Variants in MGAM observed in about 807,000 individuals in gnomAD.
MGAM encodes maltase-glucoamylase.
MGAM carries 253 observed loss-of-function variants against 358.8 expected under a neutral mutation model. The observed-to-expected ratio is 0.71, with a 90% CI of 0.64 to 0.78. The LOEUF (loss-of-function observed/expected upper bound fraction) is 0.78, where lower values mean the gene tolerates loss of function less well. Ranked by LOEUF, MGAM falls within the 30% of genes least tolerant of loss-of-function variation. MGAM has a pLI of 0.00. For synonymous variants in MGAM, 1,105 were observed against 1,227.1 expected (o/e 0.90, Z 2.08); for missense variants, 3,080 against 3,432.6 (o/e 0.90, Z 2.57).
At position 142,055,662 on chromosome 7, in the gene MGAM, G is replaced by C. The variant is rs185758556; in HGVS notation, c.3419G>C (p.Arg1140Thr). The C allele has an allele frequency of 2.0e-4, 317 of 1,613,954 alleles. 1 individual carries two copies. Among genetic ancestry groups the C allele is most frequent in the Admixed American group, 6.0e-4 (36 of 60,016 alleles). Reference protein sequence around the residue: ...YLYGFGETEHRSYRRDLEWHT... With the variant: ...YLYGFGETEHTSYRRDLEWHT... ...TATGGCTTTGGGGAAACTGAGCACA[G>C]GTCCTATAGGAGAGACTTGGAGTGG... The change falls in exon 28 of 71, where the codon AGG becomes ACG. Residue 1140 changes from arginine to threonine, a missense_variant. Arg to Thr is a moderately conservative substitution (Grantham distance 71). Transcript: ENST00000475668.
chr7:142,022,156 T>G, intron 6 of MGAM, 112 bp from the exon 7 acceptor site: 1 of 1,012,788 alleles, frequency 9.9e-7, no homozygotes, highest in Non-Finnish European at 1.4e-6. Flanking sequence ...CAAATGGGAC[T>G]GAATGAATGG....
intron 69 of MGAM, among the ~76,000 whole-genome samples, chr7:142,102,909 G>A (rs1307773369): frequency 1.3e-5 from 2 of 152,200 alleles, no homozygotes; most frequent in Non-Finnish European, 2.9e-5. Flanking sequence ...AGTTTACCAT[G>A]TTACAGGTGG....
At position 142,062,431 on chromosome 7, in the gene MGAM, T is replaced by C. The variant is rs1464359904; in HGVS notation, c.4123-137T>C. On this transcript the variant is annotated intron_variant, in intron 34 of 70. Coordinates refer to ENST00000475668, the MANE Select transcript of MGAM (RefSeq NM_001365693.1). Reference sequence around the variant, plus strand: ...ATTCTACATTTCTCTAAGAAGTTAATAACATTATTTAGGCCCTGTTCAGGC... The same window carrying C: ...ATTCTACATTTCTCTAAGAAGTTAACAACATTATTTAGGCCCTGTTCAGGC... The C allele has an allele frequency of 3.5e-6, 4 of 1,143,572 alleles. No individual in the cohort carries two copies. In the East Asian group the frequency reaches 7.8e-5, roughly 22 times the overall value. 70.8% of individuals were successfully genotyped at this position (1,143,572 alleles called of 1,614,324 possible).
Position 142,054,888 on chromosome 7 carries a change from G to A in MGAM, c.3294G>A (p.Arg1098=), listed in dbSNP as rs1811345068. 1.9e-6 allele frequency: 3 copies of A among 1,613,628 alleles called. No individual in the cohort carries two copies. The African/African-American group carries it at 4.0e-5, about 22-fold the overall frequency. The part of the protein sequence containing the change: ...KKNPFGIEIR[R]KSTGTIIWDS... ...ATCCATTTGGGATTGAAATTCGCCG[G>A]AAGAGTACAGGCACTATAATGTGAG... is the stretch of plus-strand genomic sequence containing the variant. Residue 1098 remains arginine (R), a synonymous_variant, in exon 27 of 71, where the codon CGG becomes CGA. Coordinates refer to ENST00000475668, the MANE Select transcript of MGAM (RefSeq NM_001365693.1).
Position 142,042,443 on chromosome 7 carries a change from A to T in MGAM, c.2498+1597A>T, listed in dbSNP as rs868646429. 3.4e-3 allele frequency among the ~76,000 whole-genome samples: 86 copies of T among 25,004 alleles called. 12 individuals are homozygous for T. Among genetic ancestry groups the T allele is most frequent in the African/African-American group, 0.011 (78 of 7,316 alleles). 16.4% of individuals were successfully genotyped at this position (25,004 alleles called of 152,430 possible). On this transcript the variant is annotated intron_variant, in intron 21 of 70. Transcript: ENST00000475668. Reference sequence around the variant, plus strand: ...ATATACATATAATATATAACATATAATATATAATATAACATATAATATATA... The same window carrying T: ...ATATACATATAATATATAACATATATTATATAATATAACATATAATATATA...
rs1422104289 is a variant in MGAM at position 142,062,648 on chromosome 7, A to G, written c.4203A>G (p.Leu1401=). Residue 1401 remains leucine, a synonymous_variant, in exon 35 of 71, where the codon CTA becomes CTG. Transcript: ENST00000475668. ...GGTGGAAGAGGGAAATAGAAGAACT[A>G]TACAACAATCCACAGAATCCAGAGA... is the stretch of plus-strand genomic sequence containing the variant. ...AKWWKREIEE[L]YNNPQNPERS... is the part of the protein sequence containing the mutation. 3.7e-6 allele frequency: 6 copies of G among 1,612,798 alleles called. No individual in the cohort carries two copies. The highest frequency in any genetic ancestry group is 1.7e-5 in the Admixed American group (1 of 59,920).
chr7:142,077,069 C>A (rs1364938906), intron 47 of MGAM, among the ~76,000 whole-genome samples: 1 of 145,684 alleles, frequency 6.9e-6, no homozygotes, highest in African/African-American at 2.4e-5. Context: ...ATCTCTCTAG[C>A]TGGTTTCACT....
intron 37 of MGAM, 56 bp from the exon 38 acceptor site, chr7:142,065,279 A>G (rs1812609978): frequency 2.5e-6 from 4 of 1,578,652 alleles, no homozygotes; most frequent in African/African-American, 1.4e-5. Context: ...CAGAAGCTCT[A>G]TGGCCTTTAC....
upstream of MGAM, among the ~76,000 whole-genome samples, chr7:141,994,413 A>G (rs1312666028): frequency 1.3e-5 from 2 of 152,214 alleles, no homozygotes; most frequent in Non-Finnish European, 2.9e-5. Flanking sequence ...GGGAACTTGT[A>G]TAATTGATTG....
In MGAM at chr7:142,105,825, C is replaced by T. The variant is rs369977200; in HGVS notation, c.8196C>T (p.Ile2732=). ...NNDPTTQVLS[I]DVTDRNISLH... is the part of the protein sequence containing the mutation. ...TTGGTTCCTAACAGGTATTAAGCAT[C>T]GATGTGACTGACAGAAACATCAGCC... Residue 2732 remains isoleucine, a synonymous_variant, in exon 71 of 71, where the codon ATC becomes ATT. Coordinates refer to ENST00000475668, the MANE Select transcript of MGAM (RefSeq NM_001365693.1). 18 of 1,612,936 alleles carry T rather than the reference C, an allele frequency of 1.1e-5. No individual in the cohort carries two copies. The highest frequency in any genetic ancestry group is 1.1e-4 in the African/African-American group (8 of 75,008).
At chr7:142,093,206 T>C (rs866870366) in intron 59 of MGAM, among the ~76,000 whole-genome samples, 1 of 146,570 alleles carries the variant, frequency 6.8e-6, no homozygotes, top group Non-Finnish European at 1.5e-5. Flanking sequence ...CACCTCTGCT[T>C]TCTTCAGTGA....
intron 67 of MGAM, 22 bp from the exon 68 acceptor site, chr7:142,100,780 C>T (rs759358305): frequency 6.3e-7 from 1 of 1,596,198 alleles, no homozygotes; most frequent in South Asian, 1.1e-5. Flanking sequence ...TTAGCTAATG[C>T]CTCTCTGCCT....
At chr7:142,049,107 A>G (rs539517690) in intron 22 of MGAM, among the ~76,000 whole-genome samples, 2 of 152,330 alleles carry the variant, frequency 1.3e-5, no homozygotes, top group Non-Finnish European at 2.9e-5. Context: ...GAGACCATGC[A>G]GTACTTGACT....
intron 8 of MGAM, among the ~76,000 whole-genome samples, chr7:142,025,446 C>A (rs1181120728): frequency 6.6e-6 from 1 of 152,148 alleles, no homozygotes; most frequent in Non-Finnish European, 1.5e-5. Context: ...GAGATAGTTT[C>A]CACCAATGTG....
At chr7:142,032,054 T>TA (rs1554464022) in intron 13 of MGAM, among the ~76,000 whole-genome samples, 3 of 146,282 alleles carry the variant, frequency 2.1e-5, no homozygotes, top group African/African-American at 5.4e-5. Flanking sequence ...TTTTTTTTTT[T>TA]ACGAAGGAAT....
At chr7:142,095,775 A>T in intron 64 of MGAM, 62 bp downstream of exon 64, 1 of 1,589,420 alleles carries the variant, frequency 6.3e-7, no homozygotes, top group Middle Eastern at 1.7e-4. Context: ...ATATGGTGAC[A>T]GTTGAATTCT....
chr7:141,988,868 C>T (rs1320499494), intron 2 of MGAM, among the ~76,000 whole-genome samples: 1 of 152,312 alleles, frequency 6.6e-6, no homozygotes, highest in Non-Finnish European at 1.5e-5. Flanking sequence ...CTCTCACCTT[C>T]CTCTGAACAT....
At chr7:142,027,883 T>C in intron 10 of MGAM, 148 bp downstream of exon 10, 1 of 866,670 alleles carries the variant, frequency 1.2e-6, no homozygotes, top group South Asian at 3.5e-5. Flanking sequence ...CTAGACATTT[T>C]TTTTTTTGTT....
chr7:142,097,713 T>C (rs7801101), intron 66 of MGAM, 64 bp downstream of exon 66: 267,262 of 1,499,090 alleles, frequency 0.18, 25,410 homozygotes, highest in South Asian at 0.27. Flanking sequence ...GCTTTAGATC[T>C]GATAGACCTT....
Sources: gnomAD v4.1 joint callset for allele counts (sites outside exome capture counted in the v4.1 genomes callset) on GRCh38, gnomAD v4.1.1 for gene constraint, MANE v1.5 for transcripts, NCBI Gene and HGNC (gene_info 2026-07-23, HGNC 2026-07-21) for gene names.